The following NEB variants were observed in gnomAD, a reference collection of about 807,000 sequenced individuals.
NEB encodes the protein nemaline myopathy type 2.
In NEB, 512 loss-of-function variants were observed where a neutral mutation model predicts 952.2. That is an observed-to-expected ratio of 0.54 (90% CI 0.50 to 0.58). NEB has a LOEUF of 0.58. NEB is among the 20% of genes least tolerant of loss of function. The probability of loss-of-function intolerance (pLI) is 0.00; values close to 1 mark genes in which losing one functional copy is unlikely to be tolerated. For missense variants in NEB, 8,428 were observed against 9,231.1 expected (o/e 0.91, Z 3.56); for synonymous variants, 2,900 against 3,149.8 (o/e 0.92, Z 2.66).
rs1401829411 is a variant in NEB, at chr2:151,546,017, A to AC, written c.20467-20_20467-19insG. The AC allele has an allele frequency of 7.2e-7, 1 of 1,383,612 alleles. No individual in the cohort carries two copies. Among genetic ancestry groups the AC allele is most frequent in the East Asian group, 2.4e-5 (1 of 42,436 alleles). 85.7% of individuals were successfully genotyped at this position (1,383,612 alleles called of 1,614,324 possible). On this transcript the variant is annotated intron_variant, in intron 134 of 181. Coordinates refer to ENST00000397345, the MANE Select transcript of NEB (RefSeq NM_001164508.2). ...AATTAGACTTAAAAAAAAAAAAAAA[A>AC]ACAGAAATACAAGTTGATTAATCAT...
At chr2:151,728,796 A>C (rs985287564) in intron 4 of NEB, among the ~76,000 whole-genome samples, 15 of 152,194 alleles carry the variant, frequency 9.9e-5, no homozygotes, top group African/African-American at 2.9e-4. Context: ...ATCAATTATG[A>C]AAAGAGAACC....
At chr2:151,507,151 C>A in intron 162 of NEB, 138 bp from the exon 163 acceptor site, 2 of 572,034 alleles carry the variant, frequency 3.5e-6, no homozygotes, top group Admixed American at 3.4e-5. Flanking sequence ...GTCTGGTAGC[C>A]CAAGGGAAAT....
intron 78 of NEB, among the ~76,000 whole-genome samples, chr2:151,611,433 G>A (rs939964648): frequency 6.6e-6 from 1 of 152,126 alleles, no homozygotes; most frequent in African/African-American, 2.4e-5. Context: ...GCTGTTGATG[G>A]ATATAGTATA....
chr2:151,728,554 T>C lies in NEB; in HGVS notation c.79-648A>G, dbSNP rs934701408. Among the ~76,000 whole-genome samples the C allele has an allele frequency of 1.4e-4, 22 of 152,210 alleles. 1 individual carries two copies. Among genetic ancestry groups the C allele is most frequent in the African/African-American group, 5.3e-4 (22 of 41,470 alleles). On this transcript the variant is annotated intron_variant, in intron 4 of 181. Coordinates refer to ENST00000397345, the MANE Select transcript of NEB (RefSeq NM_001164508.2). ...ATGCTTAGGTGGACAAGAATAATGATGACAACATAATGGGGTAATTATCCT... is the reference window on the plus strand; with the variant it reads ...ATGCTTAGGTGGACAAGAATAATGACGACAACATAATGGGGTAATTATCCT...
At chr2:151,612,133 G>T in intron 78 of NEB, 53 bp downstream of exon 78, 2 of 1,567,964 alleles carry the variant, frequency 1.3e-6, no homozygotes, top group Non-Finnish European at 8.8e-7. Flanking sequence ...TACTTTATGA[G>T]CCAAATCTGT....
chr2:151,712,478 G>GACCT (rs2150129127), intron 10 of NEB, among the ~76,000 whole-genome samples: 1 of 152,248 alleles, frequency 6.6e-6, no homozygotes, highest in South Asian at 2.1e-4. Context: ...CTCATCCAAA[G>GACCT]TCCTTCCTTC....
rs117052683 is a variant in NEB, at chr2:151,620,107, A to G, written c.10561-345T>C. Among the ~76,000 whole-genome samples, 929 of 152,208 alleles carry G rather than the reference A, an allele frequency of 6.1e-3. 20 individuals are homozygous for G. Among genetic ancestry groups the G allele is most frequent in the East Asian group, 0.047 (245 of 5,182 alleles). ...GAACACACCTGGGGCGTATGTTTAC[A>G]TGGATCATTAAAATTTTCTAGCATA... On this transcript the variant is annotated intron_variant, in intron 72 of 181. Coordinates refer to ENST00000397345, the MANE Select transcript of NEB (RefSeq NM_001164508.2).
In NEB at chr2:151,697,504, T is replaced by C. The variant is rs1055314823; in HGVS notation, c.1257+40A>G. On this transcript the variant is annotated intron_variant, in intron 14 of 181. Transcript: ENST00000397345. ...ATTTATTAATTGGTGAAATAATGGG[T>C]TCTTTTTTTAACAGAAAGAGTGACA... The C allele has an allele frequency of 6.2e-6, 10 of 1,606,198 alleles. No individual in the cohort carries two copies. The Admixed American group carries it at 1.3e-4, about 22-fold the overall frequency.
In NEB at chr2:151,650,848, T is replaced by G. The variant is rs2154135417; in HGVS notation, c.6953A>C (p.His2318Pro). Residue 2318 changes from histidine (H) to proline (P), a missense_variant, in exon 53 of 182, where the codon CAC becomes CCC. By Grantham distance (77) the His-to-Pro change is moderately conservative (BLOSUM62 -2). Coordinates refer to ENST00000397345, the MANE Select transcript of NEB (RefSeq NM_001164508.2). ...TTGCAGACTCCGGAATCCAACATGG[T>G]GGCCAAGTTGCTTTCGGTAGCCTTG... ...YKQGYRKQLG[H>P]HVGFRSLQDD... The G allele has an allele frequency of 6.2e-7, 1 of 1,613,308 alleles. No individual in the cohort carries two copies. Among genetic ancestry groups the G allele is most frequent in the East Asian group, 2.2e-5 (1 of 44,894 alleles).
Position 151,662,297 on chromosome 2 carries a change from T to C in NEB, c.5808A>G (p.Gly1936=), listed in dbSNP as rs759345767. The C allele has an allele frequency of 1.9e-6, 3 of 1,613,648 alleles. No individual in the cohort carries two copies. The South Asian group carries it at 3.3e-5, about 18-fold the overall frequency. The change falls in exon 46 of 182, where the codon GGA becomes GGG. Residue 1936 remains glycine (G), a synonymous_variant. Coordinates refer to ENST00000397345, the MANE Select transcript of NEB (RefSeq NM_001164508.2). ...ADYADFMKGI[G]WLPLGSLEAE... ...CTTCCAGGGAGCCCAGAGGGAGCCA[T>C]CCAATGCCCTTCATGAAGTCAGCAT...
chr2:151,553,900 G>A lies in NEB; in HGVS notation c.19554C>T (p.Leu6518=). 6.2e-7 allele frequency: 1 copy of A among 1,613,890 alleles called. No homozygotes were observed. The highest frequency in any genetic ancestry group is 8.5e-7 in the Non-Finnish European group (1 of 1,179,796). ...KVSEIDYRLR[L]HEWICHPDLQ... is the part of the protein sequence containing the mutation. ...AGTCGGGGTGGCAAATCCATTCGTG[G>A]AGGCGCAGGCGGTAATCAATCTCAC... Residue 6518 remains leucine (L), a synonymous_variant, in exon 126 of 182, where the codon CTC becomes CTT. Coordinates refer to ENST00000397345, the MANE Select transcript of NEB (RefSeq NM_001164508.2).
chr2:151,500,593 C>CTTT (rs11428843), intron 168 of NEB, among the ~76,000 whole-genome samples: 25 of 118,424 alleles, frequency 2.1e-4, no homozygotes, highest in Non-Finnish European at 3.4e-4. Context: ...TTCTTTCTTC[C>CTTT]TTTTTTTTTT....
chr2:151,515,473 G>A (rs1330458015), intron 157 of NEB, among the ~76,000 whole-genome samples: 2 of 152,084 alleles, frequency 1.3e-5, no homozygotes, highest in African/African-American at 4.8e-5. Flanking sequence ...TCAGCCTGCT[G>A]AGTAGCTGGG....
At chr2:151,650,026 C>T (rs1575114159) in intron 54 of NEB, 150 bp downstream of exon 54, 1 of 749,944 alleles carries the variant, frequency 1.3e-6, no homozygotes, top group Non-Finnish European at 2.2e-6. Context: ...AGGATAGTTG[C>T]TAATTCAAAT....
intron 168 of NEB, 104 bp downstream of exon 168, chr2:151,501,285 AAG>A: frequency 1.3e-6 from 1 of 758,212 alleles, no homozygotes; most frequent in Non-Finnish European, 2.1e-6. Context: ...TGATTAAAAA[AAG>A]ATTTTGTTAA....
At position 151,568,419 on chromosome 2, in the gene NEB, T is replaced by A. The variant is rs75873810; in HGVS notation, c.17635-2A>T. ...ATTCCAGTCTTTCCGGTATTTAATCTAAAAAAAAAAAAATGAGAGGCAAGG... is the reference window on the plus strand; with the variant it reads ...ATTCCAGTCTTTCCGGTATTTAATCAAAAAAAAAAAAAATGAGAGGCAAGG... On this transcript the variant is annotated splice_acceptor_variant, in intron 111 of 181. Coordinates refer to ENST00000397345, the MANE Select transcript of NEB (RefSeq NM_001164508.2). LOFTEE classifies it high-confidence loss of function. 16 of 1,478,842 alleles carry A rather than the reference T, an allele frequency of 1.1e-5. No homozygotes were observed. Among genetic ancestry groups the A allele is most frequent in the Admixed American group, 7.1e-5 (4 of 56,234 alleles). The allele number at this position is 1,478,842 out of a possible 1,614,324, so 91.6% of individuals were successfully genotyped here.
chr2:151,627,919 A>G, intron 68 of NEB, 85 bp from the exon 69 acceptor site: 1 of 1,479,252 alleles, frequency 6.8e-7, no homozygotes, highest in Non-Finnish European at 9.1e-7. Context: ...TTATTTTAAA[A>G]TTGCTAATTC....
At chr2:151,575,854 C>A (rs962244011) in intron 106 of NEB, 55 bp from the exon 107 acceptor site, 68 of 1,191,796 alleles carry the variant, frequency 5.7e-5, no homozygotes, top group Admixed American at 6.8e-5. Flanking sequence ...TGTTGCTAGT[C>A]CCACTATGCA....
chr2:151,559,798 G>A (rs1577509587), intron 124 of NEB, among the ~76,000 whole-genome samples: 4 of 152,276 alleles, frequency 2.6e-5, no homozygotes, highest in African/African-American at 9.6e-5. Flanking sequence ...CAGGGAGTAG[G>A]GGGCTAGGGG....
Sources: gnomAD v4.1 joint callset for allele counts (sites outside exome capture counted in the v4.1 genomes callset) on GRCh38, gnomAD v4.1.1 for gene constraint, MANE v1.5 for transcripts, NCBI Gene and HGNC (gene_info 2026-07-23, HGNC 2026-07-21) for gene names.